Variants in CACNA2D1 observed in about 807,000 individuals in gnomAD.
The protein encoded by CACNA2D1 is calcium voltage-gated channel auxiliary subunit alpha2delta 1.
A neutral mutation model predicts 171.5 loss-of-function variants in CACNA2D1; 53 were observed. The ratio of observed to expected loss-of-function variants is 0.31; its 90% CI spans 0.25 to 0.39. The LOEUF (loss-of-function observed/expected upper bound fraction) is 0.39. Ranked by LOEUF, CACNA2D1 falls within the 10% of genes least tolerant of loss-of-function variation. CACNA2D1 has a pLI of 1.00. For missense variants in CACNA2D1, 903 were observed against 1,299.8 expected, an observed-to-expected ratio of 0.69 and a Z score of 4.69; for synonymous variants, 442 against 443.1, an observed-to-expected ratio of 1.00 and a Z score of 0.03.
At chr7:82,135,090 A>G (rs1310047941) in intron 5 of CACNA2D1, among the ~76,000 whole-genome samples, 1 of 152,102 alleles carries the variant, frequency 6.6e-6, no homozygotes, top group African/African-American at 2.4e-5. Context: ...AGTTTAGAGA[A>G]GAAATACTTA....
chr7:82,347,623 ATCTG>A (rs1464659105), intron 2 of CACNA2D1, among the ~76,000 whole-genome samples: 6 of 152,136 alleles, frequency 3.9e-5, no homozygotes, highest in African/African-American at 1.4e-4. Flanking sequence ...ATACGGAATC[ATCTG>A]TCTGTGTAAG....
intron 3 of CACNA2D1, among the ~76,000 whole-genome samples, chr7:82,318,010 G>A (rs1038816983): frequency 6.6e-6 from 1 of 151,182 alleles, no homozygotes; most frequent in Admixed American, 6.6e-5. Flanking sequence ...CTTTAATTGT[G>A]TAAGAGGTCT....
At chr7:82,014,350 C>T (rs769502857) in intron 13 of CACNA2D1, 51 bp downstream of exon 13, 25 of 976,528 alleles carry the variant, frequency 2.6e-5, no homozygotes, top group Admixed American at 8.6e-5. Context: ...CTAATAACAA[C>T]TACCAAAATA....
intron 3 of CACNA2D1, among the ~76,000 whole-genome samples, chr7:82,205,878 T>A (rs1799955982): frequency 2.0e-5 from 3 of 152,180 alleles, no homozygotes; most frequent in Non-Finnish European, 4.4e-5. Context: ...TCCAATTATT[T>A]TTATTACATA....
intron 21 of CACNA2D1, among the ~76,000 whole-genome samples, chr7:81,987,043 A>G (rs956913368): frequency 6.6e-6 from 1 of 152,186 alleles, no homozygotes; most frequent in African/African-American, 2.4e-5. Flanking sequence ...CATCTAATAT[A>G]CCATAAATAT....
intron 1 of CACNA2D1, among the ~76,000 whole-genome samples, chr7:82,368,757 G>A (rs1013070241): frequency 1.3e-5 from 2 of 152,038 alleles, no homozygotes; most frequent in African/African-American, 4.8e-5. Context: ...ATACATCACA[G>A]TCATAGTTAT....
intron 12 of CACNA2D1, among the ~76,000 whole-genome samples, chr7:82,019,149 G>A (rs564700001): frequency 3.2e-4 from 48 of 150,888 alleles, no homozygotes; most frequent in African/African-American, 1.2e-3. Flanking sequence ...GTGAAACCCC[G>A]TCTGTACTAA....
At chr7:82,197,348 C>T (rs1322185872) in intron 3 of CACNA2D1, among the ~76,000 whole-genome samples, 1 of 151,930 alleles carries the variant, frequency 6.6e-6, no homozygotes, top group African/African-American at 2.4e-5. Flanking sequence ...TTAAGCACTC[C>T]AGAATACATT....
In CACNA2D1 at chr7:82,084,857, A is replaced by G. The variant is rs772600105; in HGVS notation, c.570T>C (p.Asp190=). Residue 190 remains aspartate (D), a synonymous_variant, in exon 7 of 39, where the codon GAT becomes GAC. Transcript: ENST00000356860. Reference sequence around the variant, plus strand: ...CCTCGCGATTCTTTTTGAAAACTTCATCTAAGGCACTTGTCCAGTTGAGTT... The same window carrying G: ...CCTCGCGATTCTTTTTGAAAACTTCGTCTAAGGCACTTGTCCAGTTGAGTT... The part of the protein sequence containing the change: ...LNELNWTSAL[D]EVFKKNREED... 3.1e-6 allele frequency: 5 copies of G among 1,613,812 alleles called. No individual in the cohort carries two copies. Among genetic ancestry groups the G allele is most frequent in the East Asian group, 2.2e-5 (1 of 44,882 alleles).
intron 5 of CACNA2D1, among the ~76,000 whole-genome samples, chr7:82,128,067 G>T (rs760448529): frequency 9.2e-5 from 14 of 151,738 alleles, no homozygotes; most frequent in Admixed American, 7.2e-4. Context: ...GGGACTACAG[G>T]TGCACCCCAC....
At chr7:82,348,737 G>T (rs1819535152) in intron 2 of CACNA2D1, among the ~76,000 whole-genome samples, 1 of 152,028 alleles carries the variant, frequency 6.6e-6, no homozygotes, top group African/African-American at 2.4e-5. Context: ...TATATATGAA[G>T]CTGCTTTTAT....
intron 3 of CACNA2D1, among the ~76,000 whole-genome samples, chr7:82,312,246 TTTGA>T (rs1252765002): frequency 1.3e-5 from 2 of 152,174 alleles, no homozygotes; most frequent in South Asian, 2.1e-4. Context: ...ATTTTTCTTG[TTTGA>T]TTTTGAGATT....
intron 12 of CACNA2D1, among the ~76,000 whole-genome samples, chr7:82,032,302 A>T (rs1321779225): frequency 6.6e-6 from 1 of 150,568 alleles, no homozygotes. Context: ...TCTTTTCTTG[A>T]AAGGAATCAG....
chr7:82,183,139 G>A (rs759061808), intron 3 of CACNA2D1, among the ~76,000 whole-genome samples: 19 of 151,686 alleles, frequency 1.3e-4, no homozygotes, highest in Non-Finnish European at 2.6e-4. Context: ...TATTTTATCA[G>A]TAAGGACCAT....
chr7:81,956,802 C>T (rs1424197747), intron 38 of CACNA2D1, among the ~76,000 whole-genome samples: 3 of 152,056 alleles, frequency 2.0e-5, no homozygotes, highest in Non-Finnish European at 4.4e-5. Context: ...TCTAGTAATA[C>T]ATCATGATGA....
At chr7:82,125,314 G>C (rs533384489) in intron 5 of CACNA2D1, among the ~76,000 whole-genome samples, 2 of 152,278 alleles carry the variant, frequency 1.3e-5, no homozygotes, top group South Asian at 4.1e-4. Context: ...ATAAGGCTTT[G>C]TAATGATCTG....
chr7:82,338,014 C>A (rs1281086909), intron 2 of CACNA2D1, among the ~76,000 whole-genome samples: 1 of 152,032 alleles, frequency 6.6e-6, no homozygotes, highest in Non-Finnish European at 1.5e-5. Flanking sequence ...CCAAAAAAAC[C>A]ATAATCTATG....
chr7:82,241,718 G>C (rs1804316617), intron 3 of CACNA2D1, among the ~76,000 whole-genome samples: 1 of 152,018 alleles, frequency 6.6e-6, no homozygotes, highest in Non-Finnish European at 1.5e-5. Flanking sequence ...GGGGGAATTA[G>C]GTCAGAAGGG....
At chr7:82,185,564 G>A (rs1257152977) in intron 3 of CACNA2D1, among the ~76,000 whole-genome samples, 19 of 110,352 alleles carry the variant, frequency 1.7e-4, no homozygotes, top group African/African-American at 6.2e-4. Flanking sequence ...GAGGGGGAGG[G>A]GGAGGAGAAG....
Sources: gnomAD v4.1 joint callset for allele counts (sites outside exome capture counted in the v4.1 genomes callset) on GRCh38, gnomAD v4.1.1 for gene constraint, MANE v1.5 for transcripts, NCBI Gene and HGNC (gene_info 2026-07-23, HGNC 2026-07-21) for gene names.